Variants in VTI1A observed in about 807,000 individuals in gnomAD.
The protein encoded by VTI1A is vesicle transport through interaction with t-SNAREs 1A, also known as vesicle transport through interaction with t-SNAREs homolog 1A.
A neutral mutation model predicts 34.9 loss-of-function variants in VTI1A; 22 were observed. That is an observed-to-expected ratio of 0.63 (90% CI 0.45 to 0.90). The LOEUF is 0.90. Among genes scored for constraint, VTI1A ranks in the 40% least tolerant of loss-of-function variants. VTI1A has a pLI of 0.00. For missense variants in VTI1A, 268 were observed against 275.6 expected (o/e 0.97, Z 0.20); for synonymous variants, 87 against 97.3 (o/e 0.89, Z 0.62).
intron 3 of VTI1A, among the ~76,000 whole-genome samples, chr10:112,523,138 C>T (rs963738189): frequency 2.6e-5 from 4 of 151,986 alleles, no homozygotes; most frequent in African/African-American, 9.7e-5. Context: ...CAGTGCCTGT[C>T]CAGGAACACA....
chr10:112,513,990 T>C (rs1347433615), intron 3 of VTI1A, among the ~76,000 whole-genome samples: 1 of 151,952 alleles, frequency 6.6e-6, no homozygotes, highest in Non-Finnish European at 1.5e-5. Flanking sequence ...AGTGTCCTTG[T>C]CTGGCTTTAA....
intron 5 of VTI1A, among the ~76,000 whole-genome samples, chr10:112,642,772 G>A (rs567315352): frequency 1.1e-4 from 16 of 152,022 alleles, no homozygotes; most frequent in Non-Finnish European, 1.8e-4. Context: ...TAACTAGGCC[G>A]AGCATAGGGA....
chr10:112,786,923 A>G (rs1035987732), intron 7 of VTI1A, among the ~76,000 whole-genome samples: 2 of 152,210 alleles, frequency 1.3e-5, no homozygotes, highest in South Asian at 2.1e-4. Context: ...CGGCCCTCAT[A>G]GAACAAGTTG....
chr10:112,567,621 G>A (rs546376505), intron 5 of VTI1A, among the ~76,000 whole-genome samples: 2 of 152,146 alleles, frequency 1.3e-5, no homozygotes, highest in Admixed American at 6.5e-5. Flanking sequence ...GTATGATTGG[G>A]GGCAGATGAT....
intron 7 of VTI1A, among the ~76,000 whole-genome samples, chr10:112,764,854 C>G (rs1419315394): frequency 6.6e-6 from 1 of 152,110 alleles, no homozygotes; most frequent in Non-Finnish European, 1.5e-5. Context: ...TTAGAGTTAA[C>G]CATGTTATAA....
intron 5 of VTI1A, among the ~76,000 whole-genome samples, chr10:112,630,849 C>T (rs778315042): frequency 3.9e-5 from 6 of 152,126 alleles, no homozygotes; most frequent in Non-Finnish European, 5.9e-5. Context: ...CAGCCAAGTG[C>T]GGTGGCTCAT....
chr10:112,579,216 GA>G (rs1317574586), intron 5 of VTI1A, among the ~76,000 whole-genome samples: 1 of 152,144 alleles, frequency 6.6e-6, no homozygotes, highest in Non-Finnish European at 1.5e-5. Flanking sequence ...CTTATGTGTG[GA>G]AAAATTCTAG....
At chr10:112,502,024 CTTTTTT>C (rs71489973) in intron 3 of VTI1A, among the ~76,000 whole-genome samples, 1 of 119,350 alleles carries the variant, frequency 8.4e-6, no homozygotes. Flanking sequence ...AGAATCCTTA[CTTTTTT>C]TTTTTTTTTT....
intron 7 of VTI1A, among the ~76,000 whole-genome samples, chr10:112,701,149 A>G (rs969236166): frequency 5.3e-5 from 8 of 152,208 alleles, no homozygotes; most frequent in African/African-American, 1.7e-4. Flanking sequence ...ATTGTATGTT[A>G]ATAACTCCAG....
At chr10:112,468,123 G>C (rs2134062198) in intron 3 of VTI1A, among the ~76,000 whole-genome samples, 2 of 152,310 alleles carry the variant, frequency 1.3e-5, no homozygotes, top group Middle Eastern at 3.4e-3. Flanking sequence ...TGCTTGCAGA[G>C]AAAGCAGAGG....
At chr10:112,673,782 G>A (rs1262530635) in intron 7 of VTI1A, among the ~76,000 whole-genome samples, 1 of 152,122 alleles carries the variant, frequency 6.6e-6, no homozygotes, top group African/African-American at 2.4e-5. Context: ...TAAAACATCT[G>A]GAAAGCTTAA....
chr10:112,453,370 T>TA lies in VTI1A; in HGVS notation c.94+5904dup, dbSNP rs199664905. Among the ~76,000 whole-genome samples the TA allele has an allele frequency of 6.9e-3, 1,054 of 152,358 alleles. 9 individuals carry two copies. Among genetic ancestry groups the TA allele is most frequent in the African/African-American group, 0.025 (1,020 of 41,582 alleles). ...TTCCATACTATTTGGAAGAAAATCA[T>TA]ATATGCATAGCCTATACTTAAGGAG... On this transcript the variant is annotated intron_variant, in intron 1 of 7. Transcript: ENST00000393077.
intron 7 of VTI1A, among the ~76,000 whole-genome samples, chr10:112,792,314 G>T (rs1244613905): frequency 6.6e-6 from 1 of 152,140 alleles, no homozygotes. Flanking sequence ...CTTAGTGTTA[G>T]AAGGAGTCTT....
chr10:112,584,101 T>C (rs1475888551), intron 5 of VTI1A, among the ~76,000 whole-genome samples: 1 of 152,188 alleles, frequency 6.6e-6, no homozygotes, highest in East Asian at 1.9e-4. Context: ...GCATCTACAA[T>C]AGTATTTAAA....
chr10:112,649,150 A>G (rs936266906), intron 5 of VTI1A, among the ~76,000 whole-genome samples: 9 of 152,182 alleles, frequency 5.9e-5, no homozygotes, highest in South Asian at 2.1e-4. Flanking sequence ...GGCACGCACA[A>G]TGAATTATAC....
chr10:112,606,693 T>A (rs1845097969), intron 5 of VTI1A, among the ~76,000 whole-genome samples: 1 of 152,218 alleles, frequency 6.6e-6, no homozygotes, highest in South Asian at 2.1e-4. Context: ...TTAATGACAC[T>A]TGAACAGACA....
chr10:112,676,731 A>G (rs1015947611), intron 7 of VTI1A, among the ~76,000 whole-genome samples: 38 of 152,162 alleles, frequency 2.5e-4, no homozygotes, highest in African/African-American at 8.4e-4. Context: ...TGCCACCTAT[A>G]TAAGTCAAAA....
At chr10:112,540,596 G>T (rs1283045243) in intron 5 of VTI1A, among the ~76,000 whole-genome samples, 1 of 152,162 alleles carries the variant, frequency 6.6e-6, no homozygotes, top group Non-Finnish European at 1.5e-5. Context: ...AGAAGGCAGG[G>T]ACAAAGCATT....
At chr10:112,795,751 A>G (rs2134064209) in intron 7 of VTI1A, among the ~76,000 whole-genome samples, 1 of 152,184 alleles carries the variant, frequency 6.6e-6, no homozygotes, top group East Asian at 1.9e-4. Context: ...TTACTCTCTT[A>G]TAACACTGTG....
Sources: gnomAD v4.1 joint callset for allele counts (sites outside exome capture counted in the v4.1 genomes callset) on GRCh38, gnomAD v4.1.1 for gene constraint, MANE v1.5 for transcripts, NCBI Gene and HGNC (gene_info 2026-07-23, HGNC 2026-07-21) for gene names.